Variants in SEMA6D observed in about 807,000 individuals in gnomAD.
SEMA6D encodes semaphorin 6D.
In SEMA6D, 35 loss-of-function variants were observed where a neutral mutation model predicts 106.6. The ratio of observed to expected loss-of-function variants is 0.33; its 90% CI spans 0.25 to 0.44. The LOEUF is 0.44. SEMA6D is among the 20% of genes least tolerant of loss of function. The probability of loss-of-function intolerance (pLI) is 1.00; values close to 1 mark genes in which losing one functional copy is unlikely to be tolerated. For synonymous variants in SEMA6D, 499 were observed against 487.7 expected, an observed-to-expected ratio of 1.02 and a Z score of -0.31; for missense variants, 1,185 against 1,345.9, an observed-to-expected ratio of 0.88 and a Z score of 1.87.
chr15:47,275,778 C>A (rs771583328), intron 1 of SEMA6D, among the ~76,000 whole-genome samples: 59 of 152,254 alleles, frequency 3.9e-4, no homozygotes, highest in Middle Eastern at 3.4e-3. Flanking sequence ...AGTCATGTAT[C>A]TCTCACTTTA....
At chr15:47,355,299 A>G (rs528489777) in intron 1 of SEMA6D, among the ~76,000 whole-genome samples, 1 of 152,316 alleles carries the variant, frequency 6.6e-6, no homozygotes, top group Middle Eastern at 3.4e-3. Context: ...TATAAAGAAA[A>G]TAGTACATGC....
intron 1 of SEMA6D, among the ~76,000 whole-genome samples, chr15:47,254,228 A>G (rs1171871757): frequency 2.0e-5 from 3 of 150,016 alleles, no homozygotes; most frequent in African/African-American, 4.9e-5. Flanking sequence ...ATTAGTTATA[A>G]TAGTTTTTGG....
chr15:47,379,405 T>C (rs917655150), intron 1 of SEMA6D, among the ~76,000 whole-genome samples: 2 of 152,180 alleles, frequency 1.3e-5, no homozygotes, highest in Non-Finnish European at 2.9e-5. Flanking sequence ...CTAAGGGAAA[T>C]TTCAAAGTAG....
At chr15:47,287,354 A>G (rs887866659) in intron 1 of SEMA6D, among the ~76,000 whole-genome samples, 5 of 152,208 alleles carry the variant, frequency 3.3e-5, no homozygotes, top group African/African-American at 7.2e-5. Context: ...TTAAAAATAC[A>G]TATAGTCTTT....
chr15:47,324,267 T>C (rs2037039625), intron 1 of SEMA6D, among the ~76,000 whole-genome samples: 1 of 152,194 alleles, frequency 6.6e-6, no homozygotes, highest in Admixed American at 6.5e-5. Flanking sequence ...TATTTACCTA[T>C]ATATTTCTTT....
chr15:47,383,107 G>T (rs915681012), intron 1 of SEMA6D, among the ~76,000 whole-genome samples: 5 of 152,154 alleles, frequency 3.3e-5, no homozygotes, highest in Non-Finnish European at 7.3e-5. Context: ...TTCCCTTTGT[G>T]CCTGTCCTGA....
At chr15:47,562,801 A>G (rs2046118638) in intron 3 of SEMA6D, among the ~76,000 whole-genome samples, 2 of 152,184 alleles carry the variant, frequency 1.3e-5, no homozygotes, top group East Asian at 3.8e-4. Flanking sequence ...TAAAGTTTCC[A>G]TAAAACCCAG....
chr15:47,561,202 T>G (rs1047710442), intron 3 of SEMA6D, among the ~76,000 whole-genome samples: 1 of 151,988 alleles, frequency 6.6e-6, no homozygotes, highest in East Asian at 1.9e-4. Context: ...TTACAGGCGG[T>G]TTATGGCCAA....
chr15:47,581,288 A>C, intron 3 of SEMA6D: 2 of 477,866 alleles, frequency 4.2e-6, no homozygotes, highest in Admixed American at 4.2e-5. Flanking sequence ...TGTGGTTTAC[A>C]TTGTGCAATT....
At chr15:47,735,265 C>T (rs2080377167) in intron 1 of SEMA6D, among the ~76,000 whole-genome samples, 1 of 152,184 alleles carries the variant, frequency 6.6e-6, no homozygotes, top group Admixed American at 6.5e-5. Context: ...TACATGACAA[C>T]AATAACTTTT....
Position 47,202,947 on chromosome 15 carries a change from A to G in SEMA6D, c.-239+18529A>G, listed in dbSNP as rs76207553. The stretch of plus-strand genomic sequence containing the variant: ...ATGGTGTATAAAATATGTCTGAGAG[A>G]TATCTCTCTCCAACAACATCTCTTT... On this transcript the variant is annotated intron_variant, in intron 1 of 19. Transcript: ENST00000558014. Among the ~76,000 whole-genome samples, 1,460 of 152,274 alleles carry G rather than the reference A, an allele frequency of 9.6e-3. 13 individuals are homozygous for G. Among genetic ancestry groups the G allele is most frequent in the Non-Finnish European group, 0.014 (951 of 68,008 alleles).
At chr15:47,334,340 T>C (rs185119063) in intron 1 of SEMA6D, among the ~76,000 whole-genome samples, 1 of 152,204 alleles carries the variant, frequency 6.6e-6, no homozygotes, top group Admixed American at 6.5e-5. Context: ...AAACCCAAAG[T>C]GGGGTTTATG....
chr15:47,260,273 A>G (rs2034007778), intron 1 of SEMA6D, among the ~76,000 whole-genome samples: 1 of 152,062 alleles, frequency 6.6e-6, no homozygotes, highest in Non-Finnish European at 1.5e-5. Context: ...CTGTTGCATC[A>G]TGGACATTTT....
chr15:47,349,467 A>C (rs182130217), intron 1 of SEMA6D, among the ~76,000 whole-genome samples: 1 of 152,256 alleles, frequency 6.6e-6, no homozygotes, highest in African/African-American at 2.4e-5. Flanking sequence ...CAGTATGCCA[A>C]GATGTATTAG....
At chr15:47,288,533 T>C (rs762612658) in intron 1 of SEMA6D, among the ~76,000 whole-genome samples, 5 of 152,208 alleles carry the variant, frequency 3.3e-5, no homozygotes, top group Non-Finnish European at 7.3e-5. Flanking sequence ...ATAGTGGAGC[T>C]AGAATTGAAA....
chr15:47,723,457 G>A (rs1334430303), intron 1 of SEMA6D, among the ~76,000 whole-genome samples: 1 of 152,108 alleles, frequency 6.6e-6, no homozygotes, highest in African/African-American at 2.4e-5. Flanking sequence ...GATCCATTAC[G>A]TATCTTTGTC....
chr15:47,573,843 A>G (rs1266481872), intron 3 of SEMA6D, among the ~76,000 whole-genome samples: 2 of 152,200 alleles, frequency 1.3e-5, no homozygotes, highest in African/African-American at 4.8e-5. Context: ...TGATGTTGAC[A>G]TCTAAATGAC....
chr15:47,292,030 C>G (rs1367851666), intron 1 of SEMA6D, among the ~76,000 whole-genome samples: 1 of 152,218 alleles, frequency 6.6e-6, no homozygotes, highest in Non-Finnish European at 1.5e-5. Context: ...CTCAGGAAAT[C>G]TCTTTTCTCC....
chr15:47,624,144 A>T (rs534016807), intron 4 of SEMA6D, among the ~76,000 whole-genome samples: 4 of 152,264 alleles, frequency 2.6e-5, no homozygotes, highest in African/African-American at 9.6e-5. Context: ...TATTGTCTAG[A>T]ACGTTCTTCA....
Sources: allele counts gnomAD v4.1 joint callset (sites outside exome capture counted in the v4.1 genomes callset), GRCh38; gene constraint gnomAD v4.1.1; transcripts MANE v1.5; gene names NCBI Gene and HGNC (gene_info 2026-07-23, HGNC 2026-07-21).